Variants in SORL1 observed in about 807,000 individuals in gnomAD.
SORL1 encodes sortilin-related receptor.
In SORL1, 127 loss-of-function variants were observed where a neutral mutation model predicts 273.7. The ratio of observed to expected loss-of-function variants is 0.46; its 90% CI spans 0.40 to 0.54. SORL1 has a LOEUF of 0.54. Ranked by LOEUF, SORL1 falls within the 20% of genes least tolerant of loss-of-function variation. The pLI is 0.00. For missense variants in SORL1, 2,494 were observed against 2,846.1 expected, an observed-to-expected ratio of 0.88 and a Z score of 2.81; for synonymous variants, 1,031 against 1,067.4, an observed-to-expected ratio of 0.97 and a Z score of 0.66.
At position 121,586,262 on chromosome 11, in the gene SORL1, C is replaced by T; in HGVS notation, c.3747C>T (p.Cys1249=). Residue 1249 remains cysteine (C), a synonymous_variant, in exon 27 of 48, where the codon TGC becomes TGT. Transcript: ENST00000260197. ...GATTCCGCTGCCCAAACGGCACTTG[C>T]ATCCCATCCAGCAAACATTGTGATG... The part of the protein sequence containing the change: ...CNGFRCPNGT[C]IPSSKHCDGL... The T allele has an allele frequency of 6.2e-7, 1 of 1,614,030 alleles. No homozygotes were observed. Among genetic ancestry groups the T allele is most frequent in the Non-Finnish European group, 8.5e-7 (1 of 1,179,878 alleles).
intron 37 of SORL1, among the ~76,000 whole-genome samples, chr11:121,607,848 C>A (rs904495819): frequency 6.6e-6 from 1 of 152,104 alleles, no homozygotes; most frequent in African/African-American, 2.4e-5. Context: ...TTTAGAAGAA[C>A]CTTGATATTT....
chr11:121,518,361 C>A (rs1209648704), intron 8 of SORL1, among the ~76,000 whole-genome samples: 4 of 151,822 alleles, frequency 2.6e-5, no homozygotes, highest in Non-Finnish European at 5.9e-5. Context: ...CAGGGCAGGT[C>A]AAGTGGGGGA....
In SORL1 at chr11:121,510,388, G is replaced by A. The variant is rs143861562; in HGVS notation, c.940-2615G>A. ...GGCTGTCTTGGGCTGGTATGTTGGT[G>A]TCCTGATGTTCTTGGGGATCCAGGT... On this transcript the variant is annotated intron_variant, in intron 6 of 47. Transcript: ENST00000260197. 7.2e-3 allele frequency among the ~76,000 whole-genome samples: 1,090 copies of A among 152,298 alleles called. 9 individuals carry two copies. The highest frequency in any genetic ancestry group is 0.024 in the Middle Eastern group (7 of 294).
Position 121,598,848 on chromosome 11 carries a change from G to A in SORL1, c.4519+3076G>A, listed in dbSNP as rs567653091. ...GTCCCAGGACCCCCATCGTTGATGC[G>A]TCCTTTCCTCTCCAGGAATGTCACT... On this transcript the variant is annotated intron_variant, in intron 32 of 47. Coordinates refer to ENST00000260197, the MANE Select transcript of SORL1 (RefSeq NM_003105.6). Among the ~76,000 whole-genome samples, 12 of 152,264 alleles carry A rather than the reference G, an allele frequency of 7.9e-5. No individual in the cohort carries two copies. The South Asian group carries it at 1.2e-3, about 16-fold the overall frequency.
At chr11:121,611,596 TCTTCCAGCA>T (rs1863565127) in intron 39 of SORL1, 1 of 154,230 alleles carries the variant, frequency 6.5e-6, no homozygotes, top group African/African-American at 2.4e-5. Flanking sequence ...AAGATCTTCC[TCTTCCAGCA>T]CCGCCATCCC....
At chr11:121,472,957 G>C (rs1724234626) in intron 2 of SORL1, among the ~76,000 whole-genome samples, 1 of 63,116 alleles carries the variant, frequency 1.6e-5, no homozygotes, top group Non-Finnish European at 3.1e-5. Context: ...AGAAAACTCT[G>C]TCTCAAAAAA....
intron 3 of SORL1, among the ~76,000 whole-genome samples, chr11:121,482,168 A>G (rs1861400812): frequency 6.6e-6 from 1 of 152,166 alleles, no homozygotes; most frequent in African/African-American, 2.4e-5. Flanking sequence ...CAGGCAGAGG[A>G]CTGGGGCTTT....
chr11:121,546,415 G>A (rs11218326), intron 14 of SORL1, among the ~76,000 whole-genome samples: 38,923 of 151,928 alleles, frequency 0.26, 6,102 homozygotes, highest in Middle Eastern at 0.37. Context: ...GGATCTCAGA[G>A]CTCCTGGACA....
At chr11:121,476,436 TAGTA>T (rs2134790619) in intron 2 of SORL1, among the ~76,000 whole-genome samples, 1 of 152,348 alleles carries the variant, frequency 6.6e-6, no homozygotes, top group African/African-American at 2.4e-5. Flanking sequence ...CCTTAACATC[TAGTA>T]AGTATTAAAG....
At chr11:121,459,001 T>C (rs1317338868) in intron 1 of SORL1, among the ~76,000 whole-genome samples, 1 of 152,242 alleles carries the variant, frequency 6.6e-6, no homozygotes, top group Non-Finnish European at 1.5e-5. Context: ...GTAACATCCA[T>C]GCCCATAGCA....
chr11:121,464,285 C>T (rs1861049623), intron 1 of SORL1, among the ~76,000 whole-genome samples: 1 of 152,146 alleles, frequency 6.6e-6, no homozygotes, highest in Non-Finnish European at 1.5e-5. Context: ...CCACCTCCTG[C>T]ATAAGCCTCA....
At chr11:121,553,604 G>A (rs1565334087) in intron 16 of SORL1, among the ~76,000 whole-genome samples, 1 of 152,232 alleles carries the variant, frequency 6.6e-6, no homozygotes, top group Admixed American at 6.5e-5. Context: ...GTGTAATTAG[G>A]TTGGCAAGTG....
At chr11:121,469,930 G>T in intron 1 of SORL1, 77 bp from the exon 2 acceptor site, 2 of 1,015,572 alleles carry the variant, frequency 2.0e-6, no homozygotes, top group Non-Finnish European at 3.1e-6. Flanking sequence ...CTTGACAAAG[G>T]AGGAAAGAGT....
Position 121,629,696 on chromosome 11 carries a change from A to G in SORL1, c.*133A>G. On this transcript the variant is annotated 3_prime_UTR_variant, in exon 48 of 48. Transcript: ENST00000260197. ...TATGGGCCAAAAACAAAAAACAAAA[A>G]AAAAAAAAAGGAAAGAAAGGAATGA... 1 of 606,104 alleles carries G rather than the reference A, an allele frequency of 1.6e-6. No homozygotes were observed. The highest frequency in any genetic ancestry group is 2.9e-6 in the Non-Finnish European group (1 of 341,022). The allele number at this position is 606,104 out of a possible 1,614,324, so 37.5% of individuals were successfully genotyped here. A position where few individuals can be genotyped will look rare whatever the true frequency, so the allele number is the denominator to read the frequency against.
chr11:121,618,705 G>A, intron 41 of SORL1, 69 bp from the exon 42 acceptor site: 1 of 1,591,954 alleles, frequency 6.3e-7, no homozygotes, highest in East Asian at 2.2e-5. Flanking sequence ...GTCTTAAATT[G>A]GGGATTTCAA....
At chr11:121,628,309 G>A (rs1403070980) in intron 47 of SORL1, among the ~76,000 whole-genome samples, 6 of 152,168 alleles carry the variant, frequency 3.9e-5, no homozygotes, top group Non-Finnish European at 8.8e-5. Context: ...CTGGACCAGC[G>A]GTGGAGGGGG....
At chr11:121,571,381 G>A (rs531664318) in intron 23 of SORL1, among the ~76,000 whole-genome samples, 1 of 152,392 alleles carries the variant, frequency 6.6e-6, no homozygotes, top group East Asian at 1.9e-4. Flanking sequence ...GCAGCGCCCA[G>A]GACAGCAAGG....
At chr11:121,617,473 GA>G (rs561983438) in intron 41 of SORL1, among the ~76,000 whole-genome samples, 233 of 152,272 alleles carry the variant, frequency 1.5e-3, no homozygotes, top group Non-Finnish European at 2.6e-3. Flanking sequence ...AGACCCCTTA[GA>G]TAGGGATTTG....
At chr11:121,573,704 C>T (rs1051075979) in intron 23 of SORL1, among the ~76,000 whole-genome samples, 9 of 152,110 alleles carry the variant, frequency 5.9e-5, no homozygotes, top group East Asian at 1.9e-4. Context: ...AGAAAACAGC[C>T]GTAGGGAGAT....
Sources: allele counts gnomAD v4.1 joint callset (sites outside exome capture counted in the v4.1 genomes callset), GRCh38; gene constraint gnomAD v4.1.1; transcripts MANE v1.5; gene names NCBI Gene and HGNC (gene_info 2026-07-23, HGNC 2026-07-21).